The following CNTNAP4 variants were observed in gnomAD, a reference collection of about 807,000 sequenced individuals.
CNTNAP4 encodes the protein contactin associated protein family member 4.
Under a neutral mutation model 148.4 loss-of-function variants are expected in CNTNAP4, and 98 were observed. The observed-to-expected ratio is 0.66, with a 90% CI of 0.56 to 0.78. The LOEUF (loss-of-function observed/expected upper bound fraction) is 0.78, where lower values mean the gene tolerates loss of function less well. Ranked by LOEUF, CNTNAP4 falls within the 30% of genes least tolerant of loss-of-function variation. The pLI is 0.00. For synonymous variants in CNTNAP4, 730 were observed against 565.1 expected, an observed-to-expected ratio of 1.29 and a Z score of -4.14; for missense variants, 1,935 against 1,565.6, an observed-to-expected ratio of 1.24 and a Z score of -3.98.
chr16:76,471,045 C>T (rs1452415642), intron 10 of CNTNAP4, among the ~76,000 whole-genome samples: 6 of 66,330 alleles, frequency 9.0e-5, no homozygotes, highest in African/African-American at 1.3e-4. Flanking sequence ...TAAGTCCTTC[C>T]CAGACTTCTT....
chr16:76,496,030 C>A (rs2082388096), intron 14 of CNTNAP4, among the ~76,000 whole-genome samples: 1 of 151,404 alleles, frequency 6.6e-6, no homozygotes, highest in South Asian at 2.1e-4. Context: ...TTATATCATA[C>A]ATCAAGATTA....
rs1233988068 is a variant in CNTNAP4 at position 76,448,045 on chromosome 16, C to T, written c.572C>T (p.Ser191Phe). 6.2e-7 allele frequency: 1 copy of T among 1,613,580 alleles called. No individual in the cohort carries two copies. Among genetic ancestry groups the T allele is most frequent in the Non-Finnish European group, 8.5e-7 (1 of 1,179,664 alleles). ...GTGGTTGATCTTGATGGAAAAAGTT[C>T]CCTTCTCTACAGATTTGATCAAAAA... ...SEVVDLDGKS[S>F]LLYRFDQKSL... is the part of the protein sequence containing the mutation. The change falls in exon 5 of 24, where the codon TCC becomes TTC. Residue 191 changes from serine to phenylalanine, a missense_variant. Ser to Phe is a radical substitution (Grantham distance 155). Transcript: ENST00000611870.
intron 15 of CNTNAP4, among the ~76,000 whole-genome samples, chr16:76,515,923 T>G (rs901673894): frequency 1.5e-4 from 23 of 151,940 alleles, no homozygotes; most frequent in African/African-American, 5.3e-4. Flanking sequence ...AGTAGTTTCT[T>G]TTTGTTAATT....
intron 8 of CNTNAP4, among the ~76,000 whole-genome samples, chr16:76,453,186 T>C (rs893318337): frequency 1.8e-4 from 27 of 152,212 alleles, no homozygotes; most frequent in Non-Finnish European, 2.6e-4. Context: ...GGGAGAGGTC[T>C]TTCTGGGATC....
intron 3 of CNTNAP4, among the ~76,000 whole-genome samples, chr16:76,359,297 G>A (rs917270250): frequency 2.0e-5 from 3 of 152,110 alleles, no homozygotes; most frequent in Non-Finnish European, 2.9e-5. Context: ...ATAAGTCTAC[G>A]AAAGAGAGTT....
chr16:76,499,667 A>T (rs912985202), intron 15 of CNTNAP4, among the ~76,000 whole-genome samples: 5 of 150,172 alleles, frequency 3.3e-5, no homozygotes, highest in African/African-American at 9.8e-5. Context: ...TAAACATGTG[A>T]ACAAAGGTCT....
At chr16:76,490,229 A>T (rs545253897) in intron 13 of CNTNAP4, among the ~76,000 whole-genome samples, 1 of 152,338 alleles carries the variant, frequency 6.6e-6, no homozygotes, top group Non-Finnish European at 1.5e-5. Context: ...GGTTTATTTT[A>T]TCATGGAAAA....
At chr16:76,292,929 A>G (rs1220907120) in intron 1 of CNTNAP4, among the ~76,000 whole-genome samples, 1 of 152,150 alleles carries the variant, frequency 6.6e-6, no homozygotes, top group Non-Finnish European at 1.5e-5. Context: ...GAGAGTGAAT[A>G]TGATTCTGTA....
chr16:76,529,657 T>C (rs1407020448), intron 17 of CNTNAP4, among the ~76,000 whole-genome samples: 1 of 152,232 alleles, frequency 6.6e-6, no homozygotes, highest in African/African-American at 2.4e-5. Context: ...ACTTTGTGAC[T>C]CTCACCTGGA....
intron 19 of CNTNAP4, among the ~76,000 whole-genome samples, chr16:76,539,081 C>T (rs1397403615): frequency 1.3e-5 from 2 of 151,918 alleles, no homozygotes; most frequent in Non-Finnish European, 2.9e-5. Flanking sequence ...TCTTACTGTG[C>T]ATTTTGAGCT....
chr16:76,472,262 A>G (rs2081403372), intron 10 of CNTNAP4, among the ~76,000 whole-genome samples: 2 of 152,046 alleles, frequency 1.3e-5, no homozygotes, highest in Non-Finnish European at 2.9e-5. Flanking sequence ...AGTAGTAAAC[A>G]TTATGATAAT....
At chr16:76,409,702 G>A (rs1318026863) in intron 3 of CNTNAP4, among the ~76,000 whole-genome samples, 1 of 151,962 alleles carries the variant, frequency 6.6e-6, no homozygotes, top group Non-Finnish European at 1.5e-5. Flanking sequence ...TGTCTACTAT[G>A]TTTAAATAAT....
At chr16:76,556,850 G>T (rs897285126) in intron 23 of CNTNAP4, among the ~76,000 whole-genome samples, 1 of 152,124 alleles carries the variant, frequency 6.6e-6, no homozygotes, top group Non-Finnish European at 1.5e-5. Context: ...CCTGTCTCAG[G>T]TAAGGCTGAC....
intron 3 of CNTNAP4, among the ~76,000 whole-genome samples, chr16:76,395,768 G>A (rs779983423): frequency 2.0e-5 from 3 of 150,622 alleles, no homozygotes; most frequent in Non-Finnish European, 4.4e-5. Context: ...TTGCTCTGTC[G>A]CTCAGGCTGG....
At chr16:76,278,229 A>G (rs1246593106) in intron 1 of CNTNAP4, among the ~76,000 whole-genome samples, 1 of 152,200 alleles carries the variant, frequency 6.6e-6, no homozygotes, top group Admixed American at 6.5e-5. Flanking sequence ...ATGCAGGCTA[A>G]TAACTGAAAT....
At chr16:76,400,255 A>G (rs902236929) in intron 3 of CNTNAP4, among the ~76,000 whole-genome samples, 2 of 152,124 alleles carry the variant, frequency 1.3e-5, no homozygotes, top group African/African-American at 2.4e-5. Flanking sequence ...TTTGATACTT[A>G]TATACATTGT....
At chr16:76,397,477 A>G (rs2078242164) in intron 3 of CNTNAP4, among the ~76,000 whole-genome samples, 1 of 152,004 alleles carries the variant, frequency 6.6e-6, no homozygotes, top group Non-Finnish European at 1.5e-5. Context: ...GACAGAGGGA[A>G]AAGAAGCTTT....
intron 17 of CNTNAP4, among the ~76,000 whole-genome samples, chr16:76,531,415 G>A (rs2083979685): frequency 6.6e-6 from 1 of 152,058 alleles, no homozygotes; most frequent in African/African-American, 2.4e-5. Context: ...TCAGATGCAG[G>A]CCCTCAATAC....
intron 1 of CNTNAP4, among the ~76,000 whole-genome samples, chr16:76,315,213 C>A (rs1263484864): frequency 1.3e-5 from 2 of 149,264 alleles, no homozygotes; most frequent in African/African-American, 4.9e-5. Flanking sequence ...TGCTAGAAAT[C>A]ATACATGTCT....
Sources: gnomAD v4.1 joint callset for allele counts (sites outside exome capture counted in the v4.1 genomes callset) on GRCh38, gnomAD v4.1.1 for gene constraint, MANE v1.5 for transcripts, NCBI Gene and HGNC (gene_info 2026-07-23, HGNC 2026-07-21) for gene names.